Variants in RBFOX3 observed in about 807,000 individuals in gnomAD.
The protein encoded by RBFOX3 is RNA binding protein fox-1 homolog 3.
RBFOX3 carries 17 observed loss-of-function variants against 48.7 expected under a neutral mutation model. That is an observed-to-expected ratio of 0.35 (90% CI 0.24 to 0.52). The LOEUF (loss-of-function observed/expected upper bound fraction) is 0.52. Ranked by LOEUF, RBFOX3 falls within the 20% of genes least tolerant of loss-of-function variation. The pLI, the probability that RBFOX3 is intolerant of heterozygous loss-of-function variation, is 0.94. For missense variants in RBFOX3, 382 were observed against 497.5 expected (o/e 0.77, Z 2.21); for synonymous variants, 212 against 209.5 (o/e 1.01, Z -0.10).
intron 1 of RBFOX3, among the ~76,000 whole-genome samples, chr17:79,495,728 G>A (rs2081419027): frequency 6.9e-6 from 1 of 145,316 alleles, no homozygotes. Context: ...CAGATGGAGG[G>A]AGGTGGGGGA....
At chr17:79,561,102 A>AC (rs2092185536) in intron 1 of RBFOX3, among the ~76,000 whole-genome samples, 1 of 152,236 alleles carries the variant, frequency 6.6e-6, no homozygotes, top group African/African-American at 2.4e-5. Context: ...ACCTTGCACT[A>AC]CAGTGAGTCC....
At chr17:79,370,728 C>T (rs1322462699) in intron 2 of RBFOX3, among the ~76,000 whole-genome samples, 4 of 152,176 alleles carry the variant, frequency 2.6e-5, no homozygotes, top group Non-Finnish European at 4.4e-5. Context: ...CTAACACATA[C>T]GTGCTCACTA....
intron 2 of RBFOX3, among the ~76,000 whole-genome samples, chr17:79,470,637 C>G (rs2076949524): frequency 6.6e-6 from 1 of 152,216 alleles, no homozygotes; most frequent in Non-Finnish European, 1.5e-5. Context: ...ATGAGGGTGG[C>G]TGGCCACACA....
At chr17:79,143,743 T>TGG (rs1296344777) in intron 4 of RBFOX3, among the ~76,000 whole-genome samples, 1 of 152,198 alleles carries the variant, frequency 6.6e-6, no homozygotes, top group African/African-American at 2.4e-5. Flanking sequence ...CATCTGAGGC[T>TGG]GGGCATGTTT....
intron 4 of RBFOX3, among the ~76,000 whole-genome samples, chr17:79,165,921 G>A (rs891932233): frequency 4.6e-5 from 7 of 152,226 alleles, no homozygotes; most frequent in South Asian, 4.1e-4. Context: ...GGTGACACGC[G>A]GCGGGGTTGC....
chr17:79,349,345 T>C (rs1424430307), intron 2 of RBFOX3, among the ~76,000 whole-genome samples: 1 of 152,000 alleles, frequency 6.6e-6, no homozygotes. Flanking sequence ...ACAGCCTTGC[T>C]GGGTCTGGGG....
chr17:79,491,974 C>T (rs1028028544), intron 1 of RBFOX3, among the ~76,000 whole-genome samples: 7 of 152,012 alleles, frequency 4.6e-5, no homozygotes, highest in African/African-American at 1.7e-4. Context: ...CCCAGCTACT[C>T]GAGAGGCAGG....
At chr17:79,164,019 G>A (rs1189624799) in intron 4 of RBFOX3, among the ~76,000 whole-genome samples, 2 of 152,232 alleles carry the variant, frequency 1.3e-5, no homozygotes, top group African/African-American at 2.4e-5. Context: ...TTCCTCTGCA[G>A]GCAGGCCCAC....
chr17:79,454,618 G>A (rs567326447), intron 2 of RBFOX3, among the ~76,000 whole-genome samples: 3 of 152,290 alleles, frequency 2.0e-5, no homozygotes, highest in Admixed American at 6.5e-5. Flanking sequence ...CATACCGTCC[G>A]GCCCTGTGCA....
At chr17:79,115,053 GGCAGCTC>G (rs1282983897) in intron 5 of RBFOX3, among the ~76,000 whole-genome samples, 2 of 152,224 alleles carry the variant, frequency 1.3e-5, no homozygotes, top group Non-Finnish European at 2.9e-5. Context: ...TGCAACCCGA[GGCAGCTC>G]GGAGGGCCCT....
chr17:79,231,495 T>C (rs1186509385), intron 4 of RBFOX3, among the ~76,000 whole-genome samples: 1 of 152,146 alleles, frequency 6.6e-6, no homozygotes, highest in African/African-American at 2.4e-5. Context: ...CAGGGCTGTA[T>C]TTATTGTAGA....
At chr17:79,425,319 C>A (rs932565422) in intron 2 of RBFOX3, among the ~76,000 whole-genome samples, 16 of 152,200 alleles carry the variant, frequency 1.1e-4, no homozygotes, top group African/African-American at 3.6e-4. Flanking sequence ...TCCGCAGTAA[C>A]CCTCTGCAGT....
At chr17:79,322,390 C>G (rs1322111939) in intron 2 of RBFOX3, among the ~76,000 whole-genome samples, 2 of 152,176 alleles carry the variant, frequency 1.3e-5, no homozygotes, top group African/African-American at 4.8e-5. Context: ...TGAGATGGCA[C>G]AGGTGGGGTG....
At chr17:79,546,095 A>G (rs2090391778) in intron 1 of RBFOX3, among the ~76,000 whole-genome samples, 1 of 152,256 alleles carries the variant, frequency 6.6e-6, no homozygotes, top group African/African-American at 2.4e-5. Flanking sequence ...ATAATCTTCA[A>G]TGGCTATAGG....
At chr17:79,356,348 G>GTGTTTTTTTTTTTTTT in intron 2 of RBFOX3, among the ~76,000 whole-genome samples, 1 of 47,330 alleles carries the variant, frequency 2.1e-5, no homozygotes, top group South Asian at 9.0e-4. Flanking sequence ...AAACAGGGAA[G>GTGTTTTTTTTTTTTTT]TTTTTTTTTT....
intron 2 of RBFOX3, among the ~76,000 whole-genome samples, chr17:79,475,395 G>A (rs1327330294): frequency 6.6e-6 from 1 of 152,144 alleles, no homozygotes; most frequent in South Asian, 2.1e-4. Context: ...GATCAGGGCC[G>A]AGGGTCAGGG....
At chr17:79,526,391 G>A (rs1170754979) in intron 1 of RBFOX3, among the ~76,000 whole-genome samples, 1 of 152,208 alleles carries the variant, frequency 6.6e-6, no homozygotes, top group Non-Finnish European at 1.5e-5. Flanking sequence ...AGAGAACCCA[G>A]GATAGTCATC....
rs1214279896 is a variant in RBFOX3, at chr17:79,097,859, C to A, written c.569-114G>T. 13 of 1,104,996 alleles carry A rather than the reference C, an allele frequency of 1.2e-5. No homozygotes were observed. In the Admixed American group the frequency reaches 2.3e-4, roughly 19 times the overall value. The allele number at this position is 1,104,996 out of a possible 1,614,324, so 68.4% of individuals were successfully genotyped here. A position where few individuals can be genotyped will look rare whatever the true frequency, so the allele number is the denominator to read the frequency against. ...GGAGCCCTTGGGAACATTCCCAGGGCGCCTCCCCGCGCCGGGCCCCCCTTT... is the reference window on the plus strand; with the variant it reads ...GGAGCCCTTGGGAACATTCCCAGGGAGCCTCCCCGCGCCGGGCCCCCCTTT... On this transcript the variant is annotated intron_variant, in intron 9 of 14. Transcript: ENST00000693108.
rs1160708865 is a variant in RBFOX3, at chr17:79,471,575, C to T, written c.-175+10879G>A. 6.6e-6 allele frequency among the ~76,000 whole-genome samples: 1 copy of T among 152,164 alleles called. No individual in the cohort carries two copies. The highest frequency in any genetic ancestry group is 1.5e-5 in the Non-Finnish European group (1 of 68,024). On this transcript the variant is annotated intron_variant, in intron 2 of 14. Transcript: ENST00000693108. This position sits in a 1 kb window ranked among gnomAD's most constrained non-coding sequence, Gnocchi z 4.0. ...TGGGTACAGGCGTGAGCTTTCTCAGCTACAAAGAGCACGACATAAACAAGG... is the reference window on the plus strand; with the variant it reads ...TGGGTACAGGCGTGAGCTTTCTCAGTTACAAAGAGCACGACATAAACAAGG...
Sources: allele counts gnomAD v4.1 joint callset (sites outside exome capture counted in the v4.1 genomes callset), GRCh38; gene constraint gnomAD v4.1.1; non-coding constraint Gnocchi (gnomAD v3.1); transcripts MANE v1.5; gene names NCBI Gene and HGNC (gene_info 2026-07-23, HGNC 2026-07-21).